HSP90AB1: variants seen among roughly 807,000 people sequenced by gnomAD.
HSP90AB1 encodes the protein heat shock protein 90 alpha family class B member 1.
HSP90AB1 carries 17 observed loss-of-function variants against 67.8 expected under a neutral mutation model. The ratio of observed to expected loss-of-function variants is 0.25; its 90% confidence interval spans 0.17 to 0.38. The LOEUF (loss-of-function observed/expected upper bound fraction) is 0.38, where lower values mean the gene tolerates loss of function less well. Ranked by LOEUF, HSP90AB1 falls within the 10% of genes least tolerant of loss-of-function variation. The pLI, the probability that HSP90AB1 is intolerant of heterozygous loss-of-function variation, is 1.00. For missense variants in HSP90AB1, 690 were observed against 899.9 expected (o/e 0.77, Z 2.98); for synonymous variants, 390 against 312.9 (o/e 1.25, Z -2.60).
At position 44,248,860 on chromosome 6, in the gene HSP90AB1, T is replaced by G. The variant is rs1323506833; in HGVS notation, c.147+84T>G. 5.6e-6 allele frequency: 7 copies of G among 1,247,774 alleles called. No individual in the cohort carries two copies. In the East Asian group the frequency reaches 1.6e-4, roughly 29 times the overall value. 77.3% of individuals were successfully genotyped at this position (1,247,774 alleles called of 1,614,324 possible). ...GGGAAAGGAGTGGTTTGGCCTTTGT[T>G]GGGGACTACTATTGAAGGGGGTAAA... On this transcript the variant is annotated intron_variant, in intron 2 of 11. Coordinates refer to ENST00000371646, the MANE Select transcript of HSP90AB1 (RefSeq NM_007355.4).
chr6:44,246,925 A>G (rs957786244), upstream of HSP90AB1, among the ~76,000 whole-genome samples: 1 of 152,138 alleles, frequency 6.6e-6, no homozygotes, highest in Non-Finnish European at 1.5e-5. Flanking sequence ...GTGTGGGCGG[A>G]TCCGTTGCTT....
Position 44,251,502 on chromosome 6 carries a change from T to G in HSP90AB1, c.1208T>G (p.Val403Gly). 6.2e-7 allele frequency: 1 copy of G among 1,612,112 alleles called. No individual in the cohort carries two copies. Residue 403 changes from valine to glycine, a missense_variant, in exon 8 of 12, where the codon GTC becomes GGC. Physicochemically the swap from Val to Gly is moderately radical, Grantham distance 109. Transcript: ENST00000371646. Reference protein sequence around the residue: ...EMLQQSKILKVIRKNIVKKCL... With the variant: ...EMLQQSKILKGIRKNIVKKCL... Reference sequence around the variant, plus strand: ...CTCCAGCAGAGCAAAATCTTGAAAGTCATTCGCAAAAACATTGTTAAGAAG... The same window carrying G: ...CTCCAGCAGAGCAAAATCTTGAAAGGCATTCGCAAAAACATTGTTAAGAAG...
At chr6:44,249,318 C>A in intron 2 of HSP90AB1, 59 bp from the exon 3 acceptor site, 2 of 1,408,348 alleles carry the variant, frequency 1.4e-6, no homozygotes, top group Non-Finnish European at 1.0e-6. Context: ...GTAGCTTGGG[C>A]AACAGAGCAA....
chr6:44,250,455 G>A lies in HSP90AB1; in HGVS notation c.813G>A (p.Lys271=), dbSNP rs1171401636. 6.2e-7 allele frequency: 1 copy of A among 1,613,944 alleles called. No homozygotes were observed. The highest frequency in any genetic ancestry group is 1.7e-4 in the Middle Eastern group (1 of 6,060). The change falls in exon 6 of 12, where the codon AAG becomes AAA. Residue 271 remains lysine, a synonymous_variant. Coordinates refer to ENST00000371646, the MANE Select transcript of HSP90AB1 (RefSeq NM_007355.4). ...AGGATAAGAAGAAGAAAACTAAGAA[G>A]ATCAAAGAGAAATACATTGATCAGG... ...SGKDKKKKTK[K]IKEKYIDQEE...
upstream of HSP90AB1, among the ~76,000 whole-genome samples, chr6:44,246,629 G>A (rs1779936978): frequency 6.6e-6 from 1 of 152,212 alleles, no homozygotes; most frequent in Non-Finnish European, 1.5e-5. Flanking sequence ...GTTGGGTCCC[G>A]AATGCCAGTC....
Position 44,251,768 on chromosome 6 carries a change from G to T in HSP90AB1, c.1346G>T (p.Arg449Leu). Residue 449 changes from arginine to leucine, a missense_variant, in exon 9 of 12, where the codon CGC becomes CTC. Arg to Leu is a moderately radical substitution (Grantham distance 102, BLOSUM62 -2). Around this residue, in one of 7 missense-constraint regions of HSP90AB1, gnomAD observed 206 missense variants for 221.4 expected, o/e 0.93. Transcript: ENST00000371646. Reference protein sequence around the residue: ...LGIHEDSTNRRRLSELLRYHT... With the variant: ...LGIHEDSTNRLRLSELLRYHT... ...ATCCACGAAGACTCCACTAACCGCC[G>T]CCGCCTGTCTGAGCTGCTGCGCTAT... 6.2e-7 allele frequency: 1 copy of T among 1,613,538 alleles called. No homozygotes were observed. The highest frequency in any genetic ancestry group is 8.5e-7 in the Non-Finnish European group (1 of 1,180,000).
intron 1 of HSP90AB1, chr6:44,247,796 C>T (rs1229835563): frequency 2.0e-5 from 3 of 152,246 alleles, no homozygotes; most frequent in Admixed American, 1.3e-4. Flanking sequence ...GATTCATGGG[C>T]TCCTTCCTCC....
Position 44,252,186 on chromosome 6 carries a change from G to A in HSP90AB1, c.1650G>A (p.Lys550=), listed in dbSNP as rs1582987420. 6.2e-7 allele frequency: 1 copy of A among 1,614,154 alleles called. No individual in the cohort carries two copies. The highest frequency in any genetic ancestry group is 2.2e-5 in the East Asian group (1 of 44,892). ...GLELPEDEEE[K]KKMEESKAKF... The stretch of plus-strand genomic sequence containing the variant: ...AGCTGCCTGAGGATGAGGAGGAGAA[G>A]AAGAAGATGGAAGAGAGCAAGGCAA... Residue 550 remains lysine (K), a synonymous_variant, in exon 10 of 12, where the codon AAG becomes AAA. Transcript: ENST00000371646.
In HSP90AB1 at chr6:44,253,614, T is replaced by C. The variant is rs551377330; in HGVS notation, c.*16T>C. 57 of 1,598,740 alleles carry C rather than the reference T, an allele frequency of 3.6e-5. No individual in the cohort carries two copies. The African/African-American group carries it at 4.8e-4, about 14-fold the overall frequency. On this transcript the variant is annotated 3_prime_UTR_variant, in exon 12 of 12. Coordinates refer to ENST00000371646, the MANE Select transcript of HSP90AB1 (RefSeq NM_007355.4). Reference sequence around the variant, plus strand: ...AGTCGATTAGGTTAGGAGTTCATAGTTGGAAAACTTGTGCCCTTGTATAGT... The same window carrying C: ...AGTCGATTAGGTTAGGAGTTCATAGCTGGAAAACTTGTGCCCTTGTATAGT...
intron 1 of HSP90AB1, among the ~76,000 whole-genome samples, chr6:44,248,288 G>T (rs2153317497): frequency 6.6e-6 from 1 of 152,326 alleles, no homozygotes; most frequent in East Asian, 1.9e-4. Context: ...GATTACTTGG[G>T]ATCTCTAGAT....
At chr6:44,249,953 T>C (rs2153319409) in intron 4 of HSP90AB1, 68 bp from the exon 5 acceptor site, 1 of 1,594,702 alleles carries the variant, frequency 6.3e-7, no homozygotes, top group Middle Eastern at 1.7e-4. Flanking sequence ...CTGCTGATAC[T>C]TACTAATTGC....
At chr6:44,252,379 C>A in intron 10 of HSP90AB1, 112 bp downstream of exon 10, 1 of 948,750 alleles carries the variant, frequency 1.1e-6, no homozygotes, top group Non-Finnish European at 1.6e-6. Flanking sequence ...CTGTTTCATG[C>A]CTTCTTGCCT....
Position 44,249,358 on chromosome 6 carries a change from T to C in HSP90AB1, c.148-19T>C. On this transcript the variant is annotated intron_variant, in intron 2 of 11. Coordinates refer to ENST00000371646, the MANE Select transcript of HSP90AB1 (RefSeq NM_007355.4). Reference sequence around the variant, plus strand: ...CTGTCTTGGAAAGAGCAAAAGTAAGTTGCTGTTTGTATTTCCAGGCCTTGG... The same window carrying C: ...CTGTCTTGGAAAGAGCAAAAGTAAGCTGCTGTTTGTATTTCCAGGCCTTGG... 1 of 1,601,202 alleles carries C rather than the reference T, an allele frequency of 6.2e-7. No individual in the cohort carries two copies. The highest frequency in any genetic ancestry group is 2.2e-5 in the East Asian group (1 of 44,828).
chr6:44,251,666 T>G lies in HSP90AB1; in HGVS notation c.1314+58T>G, dbSNP rs1437785381. 3.1e-6 allele frequency: 5 copies of G among 1,590,542 alleles called. No individual in the cohort carries two copies. The East Asian group carries it at 1.1e-4, about 36-fold the overall frequency. ...CACTTTCTTAGTAATAACAATAAAT[T>G]ATTCCATTCACATTGAAAGTGAAGT... On this transcript the variant is annotated intron_variant, in intron 8 of 11. Transcript: ENST00000371646.
intron 10 of HSP90AB1, among the ~76,000 whole-genome samples, chr6:44,252,733 T>C (rs984607403): frequency 2.0e-5 from 3 of 152,020 alleles, no homozygotes; most frequent in Admixed American, 6.5e-5. Flanking sequence ...CCTGACCTTG[T>C]GATTCGCCCA....
chr6:44,252,293 A>G (rs778155971), intron 10 of HSP90AB1, 26 bp downstream of exon 10: 4 of 1,601,596 alleles, frequency 2.5e-6, no homozygotes, highest in South Asian at 2.2e-5. Flanking sequence ...GCTAGGATAT[A>G]TTTTGTAACA....
At chr6:44,247,906 C>A (rs1355004788) in intron 1 of HSP90AB1, 2 of 152,228 alleles carry the variant, frequency 1.3e-5, no homozygotes, top group African/African-American at 4.8e-5. Context: ...ACTGCGGCGC[C>A]CCCTCCTCGC....
chr6:44,250,170 T>C lies in HSP90AB1; in HGVS notation c.648+16T>C. 4 of 1,614,136 alleles carry C rather than the reference T, an allele frequency of 2.5e-6. No homozygotes were observed. Among genetic ancestry groups the C allele is most frequent in the Non-Finnish European group, 3.4e-6 (4 of 1,179,984 alleles). On this transcript the variant is annotated intron_variant, in intron 5 of 11. Coordinates refer to ENST00000371646, the MANE Select transcript of HSP90AB1 (RefSeq NM_007355.4). ...CACCCTTTATGTGAGTATGGACTTTTAAATCTTTTACACTTAACGTGCAGG... is the reference window on the plus strand; with the variant it reads ...CACCCTTTATGTGAGTATGGACTTTCAAATCTTTTACACTTAACGTGCAGG...
At position 44,250,096 on chromosome 6, in the gene HSP90AB1, G is replaced by A. The variant is rs756756248; in HGVS notation, c.590G>A (p.Arg197Gln). Reference protein sequence around the residue: ...EDQTEYLEERRVKEVVKKHSQ... With the variant: ...EDQTEYLEERQVKEVVKKHSQ... ...CAGACAGAGTACCTAGAAGAGAGGC[G>A]GGTCAAAGAAGTAGTGAAGAAGCAT... Residue 197 changes from arginine to glutamine, a missense_variant, in exon 5 of 12, where the codon CGG becomes CAG. By Grantham distance (43) the Arg-to-Gln change is conservative. Coordinates refer to ENST00000371646, the MANE Select transcript of HSP90AB1 (RefSeq NM_007355.4). The A allele has an allele frequency of 5.0e-6, 8 of 1,614,146 alleles. No individual in the cohort carries two copies. The highest frequency in any genetic ancestry group is 2.2e-5 in the South Asian group (2 of 91,082).
Sources: gnomAD v4.1 joint callset for allele counts (sites outside exome capture counted in the v4.1 genomes callset) on GRCh38, gnomAD v4.1.1 for gene constraint, gnomAD v4.1.1 regional missense constraint, MANE v1.5 for transcripts, NCBI Gene and HGNC (gene_info 2026-07-23, HGNC 2026-07-21) for gene names.